Variants in CCZ1B observed in about 807,000 individuals in gnomAD.
CCZ1B encodes CCZ1B vacuolar protein trafficking and biogenesis associated.
Under a neutral mutation model 58.8 loss-of-function variants are expected in CCZ1B, and 25 were observed. That is an observed-to-expected ratio of 0.43 (90% confidence interval 0.31 to 0.59). The LOEUF (loss-of-function observed/expected upper bound fraction) is 0.59. Among genes scored for constraint, CCZ1B ranks in the 20% least tolerant of loss-of-function variants. CCZ1B has a pLI of 0.12. For missense variants in CCZ1B, 180 were observed against 501.5 expected, an observed-to-expected ratio of 0.36 and a Z score of 6.12; for synonymous variants, 66 against 173.2, an observed-to-expected ratio of 0.38 and a Z score of 4.86.
intron 1 of CCZ1B, 50 bp from the exon 2 acceptor site, chr7:6,824,787 T>C: frequency 6.6e-7 from 1 of 1,513,244 alleles, no homozygotes; most frequent in Non-Finnish European, 8.9e-7. Context: ...CATTTCATCT[T>C]AGCTATTGAA....
At chr7:6,820,751 G>T (rs866358086) in intron 6 of CCZ1B, among the ~76,000 whole-genome samples, 1 of 148,562 alleles carries the variant, frequency 6.7e-6, no homozygotes, top group Non-Finnish European at 1.5e-5. Flanking sequence ...GCAAAACCCC[G>T]TCTCTAATAA....
intron 7 of CCZ1B, among the ~76,000 whole-genome samples, chr7:6,816,234 C>T (rs555746698): frequency 2.0e-5 from 3 of 149,284 alleles, no homozygotes; most frequent in Non-Finnish European, 4.4e-5. Flanking sequence ...AATCCCAGCA[C>T]TTGGGGAAGC....
intron 7 of CCZ1B, among the ~76,000 whole-genome samples, chr7:6,818,298 C>T (rs558222289): frequency 2.0e-5 from 3 of 149,860 alleles, no homozygotes; most frequent in East Asian, 3.9e-4. Context: ...CCTGTAATCG[C>T]GGCACTTTGG....
At chr7:6,812,848 C>T in intron 9 of CCZ1B, 128 bp downstream of exon 9, 2 of 1,530,942 alleles carry the variant, frequency 1.3e-6, no homozygotes, top group Non-Finnish European at 1.8e-6. Flanking sequence ...ATCACTTGAG[C>T]CCGGGGAGGC....
At chr7:6,818,213 ACTTAC>A (rs2115123411) in intron 7 of CCZ1B, among the ~76,000 whole-genome samples, 1 of 149,748 alleles carries the variant, frequency 6.7e-6, no homozygotes, top group Non-Finnish European at 1.5e-5. Flanking sequence ...TATTAGCTGA[ACTTAC>A]CTTATAGTAG....
At chr7:6,823,997 C>T in intron 4 of CCZ1B, 92 bp downstream of exon 4, 1 of 715,398 alleles carries the variant, frequency 1.4e-6, no homozygotes, top group Non-Finnish European at 2.2e-6. Flanking sequence ...TCTGCAAAAG[C>T]CTCCTAGTTT....
chr7:6,818,731 G>GAAAT (rs1355005447), intron 7 of CCZ1B, among the ~76,000 whole-genome samples: 1 of 146,852 alleles, frequency 6.8e-6, no homozygotes, highest in African/African-American at 2.6e-5. Context: ...AAGAAAGAAA[G>GAAAT]AAAGAAAGAG....
In CCZ1B at chr7:6,823,294, G is replaced by C. The variant is rs532201596; in HGVS notation, c.438+19C>G. ...GGTAAGTGGTTGGACTCTGAGTTGAGAAAGAACGCCACGCTTACCTTGTAC... is the reference window on the plus strand; with the variant it reads ...GGTAAGTGGTTGGACTCTGAGTTGACAAAGAACGCCACGCTTACCTTGTAC... On this transcript the variant is annotated intron_variant, in intron 5 of 14. Transcript: ENST00000316731. The C allele has an allele frequency of 5.6e-6, 9 of 1,598,468 alleles. 1 individual carries two copies. The highest frequency in any genetic ancestry group is 5.6e-5 in the South Asian group (5 of 89,984).
At chr7:6,814,915 G>A (rs1393817720) in intron 7 of CCZ1B, 70 bp from the exon 8 acceptor site, 1 of 1,258,174 alleles carries the variant, frequency 7.9e-7, no homozygotes, top group African/African-American at 1.7e-5. Context: ...CTGTGATAAA[G>A]CTCATTAAAC....
intron 7 of CCZ1B, among the ~76,000 whole-genome samples, chr7:6,818,531 G>C (rs1437924386): frequency 6.8e-6 from 1 of 147,910 alleles, no homozygotes; most frequent in Non-Finnish European, 1.5e-5. Flanking sequence ...CCTGGCAACA[G>C]AGTGAGACTC....
intron 4 of CCZ1B, among the ~76,000 whole-genome samples, chr7:6,823,612 C>G (rs1158790881): frequency 6.8e-6 from 1 of 147,916 alleles, no homozygotes; most frequent in South Asian, 2.1e-4. Context: ...TTTGCGTCCC[C>G]GGTTCAAGCG....
rs752021498 is a variant in CCZ1B, at chr7:6,814,773, G to A, written c.771C>T (p.Ile257=). ...YLTTSLFPRH[I]EPELAGRDSP... ...ATGGTACCCATCATACCTCAGGTTCGATGTGCCTTGGGAAAAGGGAGGTGG... is the reference window on the plus strand; with the variant it reads ...ATGGTACCCATCATACCTCAGGTTCAATGTGCCTTGGGAAAAGGGAGGTGG... The change falls in exon 8 of 15, where the codon ATC becomes ATT. Residue 257 remains isoleucine (I), a synonymous_variant. Transcript: ENST00000316731. 38 of 1,607,112 alleles carry A rather than the reference G, an allele frequency of 2.4e-5. 1 individual carries two copies. Among genetic ancestry groups the A allele is most frequent in the South Asian group, 9.9e-5 (9 of 90,516 alleles).
In CCZ1B at chr7:6,824,698, C is replaced by T; in HGVS notation, c.160G>A (p.Glu54Lys). The T allele has an allele frequency of 1.2e-6, 2 of 1,605,854 alleles. 1 individual carries two copies. The highest frequency in any genetic ancestry group is 1.7e-6 in the Non-Finnish European group (2 of 1,177,798). ...ACATTTCTAATCTTCTCATTCTTTT[C>T]TACCTCATTTGGATGATAAAATAAA... The part of the protein sequence containing the change: ...KILFYHPNEV[E>K]KNEKIRNVGL... The change falls in exon 2 of 15, where the codon GAA (glutamate) becomes AAA (lysine). Residue 54 changes from glutamate (E) to lysine (K), a missense_variant. By Grantham distance (56) the Glu-to-Lys change is moderately conservative. Transcript: ENST00000316731.
rs191799991 is a variant in CCZ1B at position 6,819,594 on chromosome 7, C to A, written c.698+172G>T. 4.3e-3 allele frequency among the ~76,000 whole-genome samples: 631 copies of A among 147,464 alleles called. 27 individuals are homozygous for A. Among genetic ancestry groups the A allele is most frequent in the Non-Finnish European group, 6.3e-3 (421 of 67,182 alleles). ...GCTTGGAAATTTGAACCCAAATCAC[C>A]CTAGTTCTGCTTTAAATAATCACTG... On this transcript the variant is annotated intron_variant, in intron 7 of 14. Transcript: ENST00000316731.
intron 9 of CCZ1B, among the ~76,000 whole-genome samples, 189 bp downstream of exon 9, chr7:6,812,787 A>G (rs1401495756): frequency 2.0e-5 from 3 of 148,898 alleles, no homozygotes; most frequent in African/African-American, 7.7e-5. Flanking sequence ...TTAGCCAGGC[A>G]TAGTGGCTCA....
At chr7:6,825,277 G>A (rs192738121) in intron 1 of CCZ1B, among the ~76,000 whole-genome samples, 2,782 of 145,776 alleles carry the variant, frequency 0.019, 172 homozygotes, top group African/African-American at 0.071. Context: ...GGTCTGTGCT[G>A]CCCAGGCTGT....
At chr7:6,821,043 C>T (rs1394793920) in intron 6 of CCZ1B, among the ~76,000 whole-genome samples, 1 of 148,234 alleles carries the variant, frequency 6.7e-6, no homozygotes, top group African/African-American at 2.6e-5. Context: ...GAGTCTTGGT[C>T]TGTCACCCAG....
At position 6,809,731 on chromosome 7, in the gene CCZ1B, G is replaced by A. The variant is rs573954610; in HGVS notation, c.954+2221C>T. Among the ~76,000 whole-genome samples the A allele has an allele frequency of 1.6e-3, 213 of 136,420 alleles. 4 individuals are homozygous for A. Among genetic ancestry groups the A allele is most frequent in the Non-Finnish European group, 2.4e-3 (154 of 64,428 alleles). 89.5% of individuals were successfully genotyped at this position (136,420 alleles called of 152,430 possible). On this transcript the variant is annotated intron_variant, in intron 10 of 14. Transcript: ENST00000316731. ...TTTAAGTGACTCTCAAGCACACCAT[G>A]TGATGAATGAAACATCTTTTTATCT...
chr7:6,818,741 G>C (rs1428230871), intron 7 of CCZ1B, among the ~76,000 whole-genome samples: 1 of 124,866 alleles, frequency 8.0e-6, no homozygotes. Context: ...GAAAGAAAGA[G>C]GGCTCTAGTC....
Sources: gnomAD v4.1 joint callset for allele counts (sites outside exome capture counted in the v4.1 genomes callset) on GRCh38, gnomAD v4.1.1 for gene constraint, MANE v1.5 for transcripts, NCBI Gene and HGNC (gene_info 2026-07-23, HGNC 2026-07-21) for gene names.